AP3D1: variants seen among roughly 807,000 people sequenced by gnomAD.
The protein encoded by AP3D1 is AP-3 complex subunit delta-1.
In AP3D1, 51 loss-of-function variants were observed where a neutral mutation model predicts 147.6. That is an observed-to-expected ratio of 0.35 (90% confidence interval 0.28 to 0.44). The LOEUF (loss-of-function observed/expected upper bound fraction) is 0.44. AP3D1 is among the 20% of genes least tolerant of loss of function. The pLI is 1.00. For missense variants in AP3D1, 1,421 were observed against 1,624.2 expected (o/e 0.87, Z 2.15); for synonymous variants, 760 against 663.0 (o/e 1.15, Z -2.25).
intron 5 of AP3D1, among the ~76,000 whole-genome samples, chr19:2,131,170 G>A (rs2018928106): frequency 6.6e-6 from 1 of 152,280 alleles, no homozygotes; most frequent in Non-Finnish European, 1.5e-5. Flanking sequence ...CAGCCGGCTG[G>A]ATTTGGCCCT....
At chr19:2,110,535 G>C (rs184689502) in intron 27 of AP3D1, among the ~76,000 whole-genome samples, 172 bp downstream of exon 27, 1 of 151,984 alleles carries the variant, frequency 6.6e-6, no homozygotes, top group African/African-American at 2.4e-5. Context: ...AGGCCATTGC[G>C]CTTCTCAGAG....
At chr19:2,105,252 G>T (rs973104011) in intron 31 of AP3D1, among the ~76,000 whole-genome samples, 1 of 152,150 alleles carries the variant, frequency 6.6e-6, no homozygotes, top group African/African-American at 2.4e-5. Context: ...CCAAAATCTG[G>T]CCATAAACTG....
At chr19:2,140,701 T>C (rs1164084144) in intron 1 of AP3D1, among the ~76,000 whole-genome samples, 1 of 151,084 alleles carries the variant, frequency 6.6e-6, no homozygotes, top group Non-Finnish European at 1.5e-5. Context: ...TCTTGGCTTT[T>C]AACTTCTGAT....
chr19:2,151,178 G>A (rs1375265076), intron 1 of AP3D1, 61 bp downstream of exon 1: 2 of 1,510,306 alleles, frequency 1.3e-6, no homozygotes, highest in East Asian at 4.8e-5. Flanking sequence ...CAGTGAGCAG[G>A]GCTGGGCCCT....
rs199564568 is a variant in AP3D1, at chr19:2,112,845, G to C, written c.2787+15C>G. The C allele has an allele frequency of 2.0e-5, 32 of 1,598,496 alleles. No homozygotes were observed. Among genetic ancestry groups the C allele is most frequent in the Non-Finnish European group, 1.3e-5 (15 of 1,170,852 alleles). ...ATGCAGCCCTCCACAGCCCCTGGGG[G>C]AGTGACAGCCTCACCTTGTCCTGGT... On this transcript the variant is annotated intron_variant, in intron 24 of 31. Coordinates refer to ENST00000643116, the MANE Select transcript of AP3D1 (RefSeq NM_001261826.3).
chr19:2,133,471 T>A (rs544367128), intron 4 of AP3D1: 1 of 152,062 alleles, frequency 6.6e-6, no homozygotes, highest in African/African-American at 2.4e-5. Flanking sequence ...AGATCCGTTT[T>A]CAGGGTTAAT....
chr19:2,147,412 CTTTCT>C (rs1443462741), intron 1 of AP3D1, among the ~76,000 whole-genome samples: 3 of 131,816 alleles, frequency 2.3e-5, no homozygotes, highest in Non-Finnish European at 4.8e-5. Context: ...ATATCTTTTC[CTTTCT>C]TTTTTTTTTT....
intron 25 of AP3D1, 36 bp downstream of exon 25, chr19:2,111,643 C>A (rs775206068): frequency 2.0e-4 from 315 of 1,553,224 alleles, no homozygotes; most frequent in Non-Finnish European, 2.5e-4. Context: ...CGCCAGGAAC[C>A]CCGGCGTGGG....
Position 2,115,629 on chromosome 19 carries a change from C to T in AP3D1, c.2074-16G>A, listed in dbSNP as rs1568281804. ...CCTGGTACCGCTGCAAAGGCAACAC[C>T]CAGGCGTTACCGGTGCACCGAGGGG... On this transcript the variant is annotated splice_polypyrimidine_tract_variant and intron_variant, in intron 18 of 31. Transcript: ENST00000643116. 2 of 1,607,010 alleles carry T rather than the reference C, an allele frequency of 1.2e-6. No homozygotes were observed. The highest frequency in any genetic ancestry group is 1.7e-6 in the Non-Finnish European group (2 of 1,175,994).
rs2018391685 is a variant in AP3D1, at chr19:2,114,759, A to G, written c.2412T>C (p.Ile804=). The part of the protein sequence containing the change: ...DPNDPYRALD[I]DLDKPLADSE... ...CCATATGGACTCACTTATCCAGGTC[A>G]ATATCCAGAGCCCTGTAGGGGTCGT... Residue 804 remains isoleucine (I), a synonymous_variant, in exon 21 of 32, where the codon ATT becomes ATC. Coordinates refer to ENST00000643116, the MANE Select transcript of AP3D1 (RefSeq NM_001261826.3). The G allele has an allele frequency of 1.9e-6, 3 of 1,613,634 alleles. No individual in the cohort carries two copies. The highest frequency in any genetic ancestry group is 2.5e-6 in the Non-Finnish European group (3 of 1,179,784).
At position 2,109,858 on chromosome 19, in the gene AP3D1, G is replaced by A. The variant is rs778775338; in HGVS notation, c.3350+15C>T. ...AGGGGGTTCGGGGACATAGGGGAGT[G>A]GGCCTGGGCCCCACCTGTAGCAGGG... On this transcript the variant is annotated intron_variant, in intron 29 of 31. Coordinates refer to ENST00000643116, the MANE Select transcript of AP3D1 (RefSeq NM_001261826.3). The A allele has an allele frequency of 6.2e-6, 10 of 1,612,784 alleles. No individual in the cohort carries two copies. The highest frequency in any genetic ancestry group is 8.5e-6 in the Non-Finnish European group (10 of 1,179,398).
intron 31 of AP3D1, among the ~76,000 whole-genome samples, chr19:2,105,128 C>T (rs981563051): frequency 2.0e-5 from 3 of 152,164 alleles, no homozygotes; most frequent in African/African-American, 4.8e-5. Flanking sequence ...ACAGCTAGGA[C>T]GAGGCAGACT....
intron 1 of AP3D1, 104 bp downstream of exon 1, chr19:2,151,135 C>CA (rs2019497469): frequency 1.7e-6 from 2 of 1,162,428 alleles, no homozygotes; most frequent in Non-Finnish European, 2.4e-6. Flanking sequence ...CCAACTAAGA[C>CA]AGAGCCCGGG....
intron 1 of AP3D1, among the ~76,000 whole-genome samples, chr19:2,145,131 C>T (rs2019323565): frequency 6.6e-6 from 1 of 152,228 alleles, no homozygotes; most frequent in South Asian, 2.1e-4. Context: ...ACCACCTTGG[C>T]TCAGCAGCAT....
intron 1 of AP3D1, among the ~76,000 whole-genome samples, chr19:2,144,047 T>C (rs149339216): frequency 0.041 from 6,110 of 150,376 alleles, 186 homozygotes; most frequent in East Asian, 0.14. Context: ...GATCGCGCCA[T>C]TGCACTTCAG....
chr19:2,116,441 G>A (rs2018451287), intron 17 of AP3D1, among the ~76,000 whole-genome samples, 163 bp from the exon 18 acceptor site: 1 of 152,246 alleles, frequency 6.6e-6, no homozygotes. Context: ...GGAAGAGCAC[G>A]TATTGGGGGA....
chr19:2,111,356 G>A (rs1243945146), intron 25 of AP3D1, 24 bp from the exon 26 acceptor site: 2 of 1,613,648 alleles, frequency 1.2e-6, no homozygotes, highest in Non-Finnish European at 1.7e-6. Flanking sequence ...AGGCGCATCA[G>A]CCTTGGGGGC....
At chr19:2,102,555 C>T (rs1405358830) in intron 31 of AP3D1, among the ~76,000 whole-genome samples, 4 of 151,780 alleles carry the variant, frequency 2.6e-5, no homozygotes, top group Non-Finnish European at 4.4e-5. Context: ...GGTGAAACCC[C>T]GTCTCTACTA....
At position 2,111,349 on chromosome 19, in the gene AP3D1, C is replaced by T. The variant is rs1217049044; in HGVS notation, c.2938-17G>A. ...GGACTCAGGCTGGAAATAGAAAAGGCGCATCAGCCTTGGGGGCCCCGAGCT... is the reference window on the plus strand; with the variant it reads ...GGACTCAGGCTGGAAATAGAAAAGGTGCATCAGCCTTGGGGGCCCCGAGCT... On this transcript the variant is annotated splice_polypyrimidine_tract_variant and intron_variant, in intron 25 of 31. Coordinates refer to ENST00000643116, the MANE Select transcript of AP3D1 (RefSeq NM_001261826.3). 24 of 1,613,812 alleles carry T rather than the reference C, an allele frequency of 1.5e-5. No homozygotes were observed. In the South Asian group the frequency reaches 2.0e-4, roughly 13 times the overall value.
Sources: allele counts gnomAD v4.1 joint callset (sites outside exome capture counted in the v4.1 genomes callset), GRCh38; gene constraint gnomAD v4.1.1; transcripts MANE v1.5; gene names NCBI Gene and HGNC (gene_info 2026-07-23, HGNC 2026-07-21).